The following SHROOM4 variants were observed in gnomAD, a reference collection of about 807,000 sequenced individuals.
SHROOM4 encodes the protein protein Shroom4.
Under a neutral mutation model 80.3 loss-of-function variants are expected in SHROOM4, and 17 were observed. That is an observed-to-expected ratio of 0.21 (90% CI 0.14 to 0.32). SHROOM4 has a LOEUF of 0.32. Among genes scored for constraint, SHROOM4 ranks in the 10% least tolerant of loss-of-function variants. The probability of loss-of-function intolerance (pLI) is 1.00; values close to 1 mark genes in which losing one functional copy is unlikely to be tolerated. For synonymous variants in SHROOM4, 400 were observed against 437.5 expected, an observed-to-expected ratio of 0.91 and a Z score of 1.07; for missense variants, 993 against 1,140.3, an observed-to-expected ratio of 0.87 and a Z score of 1.86.
chrX:50,744,291 C>G (rs926100835), intron 1 of SHROOM4, among the ~76,000 whole-genome samples: 2 of 111,164 alleles, frequency 1.8e-5, no homozygotes, highest in African/African-American at 6.5e-5. Context: ...CATTTTTCTT[C>G]CTTCTGTTTT....
intron 2 of SHROOM4, among the ~76,000 whole-genome samples, chrX:50,663,957 A>G (rs1932604541): frequency 8.9e-6 from 1 of 112,307 alleles, no homozygotes; most frequent in Non-Finnish European, 1.9e-5. Flanking sequence ...TGTTAAATCA[A>G]TGAAATTGTA....
intron 1 of SHROOM4, among the ~76,000 whole-genome samples, chrX:50,739,584 CTCA>C (rs1453605788): frequency 9.0e-6 from 1 of 111,138 alleles, no homozygotes; most frequent in Non-Finnish European, 1.9e-5. Flanking sequence ...TGAAAACATG[CTCA>C]TCATCACTGG....
downstream of SHROOM4, among the ~76,000 whole-genome samples, chrX:50,585,409 G>C (rs1253197053): frequency 9.0e-6 from 1 of 111,131 alleles, no homozygotes; most frequent in Non-Finnish European, 1.9e-5. Context: ...CAGCCTTTTT[G>C]AGTGTATAGA....
the SHROOM4 span, among the ~76,000 whole-genome samples, chrX:50,579,912 G>T: frequency 8.9e-3 from 990 of 111,732 alleles, 15 homozygotes; most frequent in African/African-American, 0.03. Context: ...TGAATTGTTA[G>T]ATGATAAACA....
At chrX:50,650,295 A>G (rs781784736) in intron 2 of SHROOM4, among the ~76,000 whole-genome samples, 7 of 112,120 alleles carry the variant, frequency 6.2e-5, no homozygotes, top group Admixed American at 1.9e-4. Context: ...TTTATTTTTC[A>G]TACTTTTAAA....
At chrX:50,770,450 A>G (rs1935372789) in intron 1 of SHROOM4, among the ~76,000 whole-genome samples, 1 of 112,155 alleles carries the variant, frequency 8.9e-6, no homozygotes, top group African/African-American at 3.2e-5. Context: ...AGCAGCATAC[A>G]TACACAGTCA....
chrX:50,638,084 C>G, intron 3 of SHROOM4, 90 bp downstream of exon 3: 1 of 1,100,258 alleles, frequency 9.1e-7, no homozygotes. Context: ...ACTTGAGGCT[C>G]TAACATCCAA....
At chrX:50,768,963 T>C (rs1289243222) in intron 1 of SHROOM4, among the ~76,000 whole-genome samples, 1 of 111,782 alleles carries the variant, frequency 8.9e-6, no homozygotes, top group African/African-American at 3.3e-5. Flanking sequence ...AAGAGAATAT[T>C]TGGAAAACAA....
intron 7 of SHROOM4, among the ~76,000 whole-genome samples, chrX:50,600,229 A>C (rs1180776944): frequency 8.9e-6 from 1 of 111,863 alleles, no homozygotes; most frequent in African/African-American, 3.3e-5. Flanking sequence ...TTATTAAATT[A>C]GTTCTACAAC....
At chrX:50,699,803 C>T (rs1933470898) in intron 1 of SHROOM4, among the ~76,000 whole-genome samples, 1 of 112,406 alleles carries the variant, frequency 8.9e-6, no homozygotes, top group Non-Finnish European at 1.9e-5. Context: ...GACTTAACAG[C>T]ACTTGCTGGC....
the SHROOM4 span, among the ~76,000 whole-genome samples, chrX:50,580,629 G>A: frequency 8.9e-6 from 1 of 111,745 alleles, no homozygotes; most frequent in African/African-American, 3.3e-5. Flanking sequence ...CATGGTATAT[G>A]TAACAATTCC....
At chrX:50,737,346 A>C (rs2147559896) in intron 1 of SHROOM4, among the ~76,000 whole-genome samples, 1 of 111,427 alleles carries the variant, frequency 9.0e-6, no homozygotes, top group African/African-American at 3.3e-5. Flanking sequence ...CCAACAAAAT[A>C]AATTCCACCA....
chrX:50,651,192 C>T (rs962685372), intron 2 of SHROOM4, among the ~76,000 whole-genome samples: 1 of 111,963 alleles, frequency 8.9e-6, no homozygotes, highest in South Asian at 3.7e-4. Context: ...AGAGAGGGAA[C>T]AAAAGTACAA....
At chrX:50,777,253 T>TA (rs1435430094) in intron 1 of SHROOM4, among the ~76,000 whole-genome samples, 2 of 111,526 alleles carry the variant, frequency 1.8e-5, no homozygotes, top group Non-Finnish European at 3.8e-5. Flanking sequence ...GTTCACTGTA[T>TA]AATCTGGGAC....
chrX:50,640,412 C>A (rs940766814), intron 2 of SHROOM4, among the ~76,000 whole-genome samples: 2 of 108,291 alleles, frequency 1.8e-5, no homozygotes, highest in Admixed American at 1.0e-4. Flanking sequence ...CCCTACCCCC[C>A]CTCCATTTTC....
chrX:50,632,077 C>A (rs1005634981), intron 4 of SHROOM4, among the ~76,000 whole-genome samples: 5 of 111,716 alleles, frequency 4.5e-5, no homozygotes, highest in Non-Finnish European at 3.8e-5. Flanking sequence ...ATATGTTTAA[C>A]TCAAACTCTT....
At chrX:50,772,474 C>G (rs1305251943) in intron 1 of SHROOM4, among the ~76,000 whole-genome samples, 1 of 111,469 alleles carries the variant, frequency 9.0e-6, no homozygotes, top group Non-Finnish European at 1.9e-5. Flanking sequence ...TCTGTTGACT[C>G]CAAATCTCAT....
At chrX:50,767,425 A>C (rs1406032322) in intron 1 of SHROOM4, among the ~76,000 whole-genome samples, 1 of 110,422 alleles carries the variant, frequency 9.1e-6, no homozygotes, top group Non-Finnish European at 1.9e-5. Context: ...CACTGTGTCT[A>C]TTTCTAGAGT....
intron 1 of SHROOM4, among the ~76,000 whole-genome samples, chrX:50,805,280 G>A (rs1936204935): frequency 9.0e-6 from 1 of 110,745 alleles, no homozygotes; most frequent in African/African-American, 3.3e-5. Flanking sequence ...TCCCCGAAAC[G>A]AAAAATCAGT....
Sources: allele counts gnomAD v4.1 joint callset (sites outside exome capture counted in the v4.1 genomes callset), GRCh38; gene constraint gnomAD v4.1.1; transcripts MANE v1.5; gene names NCBI Gene and HGNC (gene_info 2026-07-23, HGNC 2026-07-21).